Variants in MIR2052HG observed in about 807,000 individuals in gnomAD.
The protein encoded by MIR2052HG is MIR2052 host gene.
intron 1 of MIR2052HG, among the ~76,000 whole-genome samples, chr8:74,609,186 T>A (rs1055714694): frequency 6.6e-6 from 1 of 151,952 alleles, no homozygotes; most frequent in African/African-American, 2.4e-5. Context: ...GTGAATAAAT[T>A]TGACTACTTA....
intron 2 of MIR2052HG, among the ~76,000 whole-genome samples, chr8:74,616,074 T>C (rs1808277944): frequency 6.6e-6 from 1 of 152,252 alleles, no homozygotes; most frequent in South Asian, 2.1e-4. Flanking sequence ...AATAAACATA[T>C]GTGGGCATGT....
chr8:74,641,258 C>T (rs1808636584), intron 2 of MIR2052HG, among the ~76,000 whole-genome samples: 1 of 152,084 alleles, frequency 6.6e-6, no homozygotes, highest in South Asian at 2.1e-4. Flanking sequence ...GTCCTAAAAG[C>T]TCTTCATATT....
chr8:74,669,692 G>T (rs912931207), intron 2 of MIR2052HG, among the ~76,000 whole-genome samples: 2 of 151,986 alleles, frequency 1.3e-5, no homozygotes, highest in East Asian at 1.9e-4. Flanking sequence ...TCATCCCAGG[G>T]CATCTGCAAT....
intron 2 of MIR2052HG, among the ~76,000 whole-genome samples, chr8:74,700,526 C>T (rs2128740778): frequency 6.6e-6 from 1 of 152,156 alleles, no homozygotes; most frequent in South Asian, 2.1e-4. Context: ...TCCCTATTTC[C>T]CTTACAAACA....
At chr8:74,738,331 T>C (rs1454904640) in intron 4 of MIR2052HG, among the ~76,000 whole-genome samples, 1 of 152,174 alleles carries the variant, frequency 6.6e-6, no homozygotes, top group Non-Finnish European at 1.5e-5. Context: ...CCCCAAATGC[T>C]GGCTCACAAG....
At chr8:74,740,333 A>G (rs761956076) in intron 4 of MIR2052HG, among the ~76,000 whole-genome samples, 9 of 152,084 alleles carry the variant, frequency 5.9e-5, no homozygotes, top group Non-Finnish European at 1.3e-4. Flanking sequence ...GTGTGGTGGC[A>G]TGCTCCTATA....
At chr8:74,722,360 T>A (rs1809586836) in intron 4 of MIR2052HG, among the ~76,000 whole-genome samples, 1 of 152,212 alleles carries the variant, frequency 6.6e-6, no homozygotes, top group South Asian at 2.1e-4. Context: ...TTTTAAAAAA[T>A]CTTTACAAAT....
intron 5 of MIR2052HG, among the ~76,000 whole-genome samples, chr8:74,753,651 G>A (rs912641843): frequency 6.6e-6 from 1 of 152,022 alleles, no homozygotes; most frequent in Non-Finnish European, 1.5e-5. Context: ...TTACCCCCAG[G>A]ACTACCTGAA....
chr8:74,745,862 G>A (rs1809879916), intron 4 of MIR2052HG, among the ~76,000 whole-genome samples: 1 of 152,164 alleles, frequency 6.6e-6, no homozygotes, highest in African/African-American at 2.4e-5. Flanking sequence ...TTGCCAGGAT[G>A]ACCATGTGCC....
At chr8:74,608,551 G>T (rs1300909572) in intron 1 of MIR2052HG, among the ~76,000 whole-genome samples, 1 of 151,920 alleles carries the variant, frequency 6.6e-6, no homozygotes, top group Non-Finnish European at 1.5e-5. Flanking sequence ...TTAATATATA[G>T]TTCACACTAA....
chr8:74,642,411 G>A (rs1483713043), intron 2 of MIR2052HG, among the ~76,000 whole-genome samples: 2 of 152,082 alleles, frequency 1.3e-5, no homozygotes, highest in African/African-American at 4.8e-5. Flanking sequence ...TATTTGTTGA[G>A]TACTGAGTGC....
rs77715931 is a variant in MIR2052HG, at chr8:74,639,968, G to A, written n.216+27028G>A. ...AATGAGAGCCACTTGAGCCATGGTG[G>A]TACTTACGTGGGTTTTGCTTGTCAC... On this transcript the variant is annotated intron_variant and non_coding_transcript_variant, in intron 2 of 6. Coordinates refer to ENST00000523442, the Ensembl canonical transcript of MIR2052HG. 7.7e-3 allele frequency among the ~76,000 whole-genome samples: 1,172 copies of A among 152,218 alleles called. 20 individuals carry two copies. Among genetic ancestry groups the A allele is most frequent in the African/African-American group, 0.026 (1,082 of 41,532 alleles).
chr8:74,666,551 A>G (rs1344527309), intron 2 of MIR2052HG, among the ~76,000 whole-genome samples: 1 of 152,228 alleles, frequency 6.6e-6, no homozygotes, highest in East Asian at 1.9e-4. Flanking sequence ...GCTGTGTCAC[A>G]GGACCTGGAA....
intron 2 of MIR2052HG, among the ~76,000 whole-genome samples, chr8:74,630,855 A>C (rs1168145275): frequency 6.6e-6 from 1 of 152,208 alleles, no homozygotes; most frequent in African/African-American, 2.4e-5. Flanking sequence ...AGCCTACTTC[A>C]TTTGATCCTC....
intron 4 of MIR2052HG, among the ~76,000 whole-genome samples, chr8:74,726,670 T>C (rs1820399): frequency 0.65 from 99,196 of 152,150 alleles, 33,976 homozygotes; most frequent in African/African-American, 0.87. Flanking sequence ...GAATGAACTG[T>C]GGAGCATGTC....
intron 4 of MIR2052HG, among the ~76,000 whole-genome samples, chr8:74,728,269 T>C (rs1809656488): frequency 6.6e-6 from 1 of 152,198 alleles, no homozygotes; most frequent in African/African-American, 2.4e-5. Flanking sequence ...TCACTGAGCT[T>C]AGGTTAAGAT....
At chr8:74,726,669 G>A (rs916267581) in intron 4 of MIR2052HG, among the ~76,000 whole-genome samples, 1 of 152,190 alleles carries the variant, frequency 6.6e-6, no homozygotes, top group Non-Finnish European at 1.5e-5. Flanking sequence ...AGAATGAACT[G>A]TGGAGCATGT....
At chr8:74,616,015 A>T (rs572732324) in intron 2 of MIR2052HG, among the ~76,000 whole-genome samples, 2 of 152,218 alleles carry the variant, frequency 1.3e-5, no homozygotes, top group South Asian at 2.1e-4. Context: ...TCTATCATTG[A>T]TGGACGTTTG....
chr8:74,622,562 T>C (rs1327331154), intron 2 of MIR2052HG, among the ~76,000 whole-genome samples: 2 of 151,782 alleles, frequency 1.3e-5, no homozygotes, highest in Non-Finnish European at 2.9e-5. Context: ...CAAGATCTCA[T>C]CACTGCACTC....
Sources: allele counts gnomAD v4.1 joint callset (sites outside exome capture counted in the v4.1 genomes callset), GRCh38; gene constraint gnomAD v4.1.1; transcripts MANE v1.5; gene names NCBI Gene and HGNC (gene_info 2026-07-23, HGNC 2026-07-21).